Variants in MAMDC2 observed in about 807,000 individuals in gnomAD.
The protein encoded by MAMDC2 is MAM domain-containing protein 2.
In MAMDC2, 57 loss-of-function variants were observed where a neutral mutation model predicts 89.8. That is an observed-to-expected ratio of 0.63 (90% CI 0.51 to 0.79). The LOEUF is 0.79. Among genes scored for constraint, MAMDC2 ranks in the 30% least tolerant of loss-of-function variants. The probability of loss-of-function intolerance (pLI) is 0.00; values close to 1 mark genes in which losing one functional copy is unlikely to be tolerated. For synonymous variants in MAMDC2, 313 were observed against 293.4 expected (o/e 1.07, Z -0.68); for missense variants, 800 against 820.6 (o/e 0.97, Z 0.31).
rs1826665639 is a variant in MAMDC2 at position 70,043,905 on chromosome 9, C to A, written c.-293C>A. The A allele has an allele frequency of 1.8e-6, 1 of 551,902 alleles. No individual in the cohort carries two copies. Among genetic ancestry groups the A allele is most frequent in the African/African-American group, 1.9e-5 (1 of 52,920 alleles). The allele number at this position is 551,902 out of a possible 1,614,324, so 34.2% of individuals were successfully genotyped here. ...CTTTCAAAGTGTGCAGTTGTCTCCT[C>A]CCTGTCCAGCCCCATCGTCGCCCAG... On this transcript the variant is annotated 5_prime_UTR_variant, in exon 1 of 14. Coordinates refer to ENST00000377182, the MANE Select transcript of MAMDC2 (RefSeq NM_153267.5).
intron 11 of MAMDC2, among the ~76,000 whole-genome samples, chr9:70,207,933 G>C (rs1175080064): frequency 6.6e-6 from 1 of 152,192 alleles, no homozygotes; most frequent in Non-Finnish European, 1.5e-5. Context: ...TCAAAGATCA[G>C]ATGGTTGTAG....
intron 2 of MAMDC2, among the ~76,000 whole-genome samples, chr9:70,046,507 C>T (rs1442333709): frequency 6.6e-6 from 1 of 152,180 alleles, no homozygotes; most frequent in Non-Finnish European, 1.5e-5. Context: ...TTCCTGCCTC[C>T]GGCCCTCTGT....
chr9:70,083,426 C>A (rs1827698928), intron 2 of MAMDC2: 1 of 151,978 alleles, frequency 6.6e-6, no homozygotes, highest in Non-Finnish European at 1.5e-5. Flanking sequence ...ATAGCTAAAG[C>A]AATTAAGGGA....
At chr9:70,066,349 T>C (rs181078143) in intron 2 of MAMDC2, among the ~76,000 whole-genome samples, 11 of 152,220 alleles carry the variant, frequency 7.2e-5, no homozygotes, top group Admixed American at 2.6e-4. Context: ...GACAGAGTAG[T>C]AGAAAATGAA....
At chr9:70,092,143 A>G (rs1827916247) in intron 2 of MAMDC2, 2 of 152,360 alleles carry the variant, frequency 1.3e-5, no homozygotes, top group South Asian at 4.1e-4. Flanking sequence ...AAAACCTGCC[A>G]TCAATGAATA....
chr9:70,095,070 G>A (rs1827993334), intron 2 of MAMDC2, among the ~76,000 whole-genome samples: 1 of 152,184 alleles, frequency 6.6e-6, no homozygotes, highest in Non-Finnish European at 1.5e-5. Flanking sequence ...GAGTATCCCA[G>A]ATAAAGGAAA....
chr9:70,100,091 C>T (rs953898367), intron 2 of MAMDC2, among the ~76,000 whole-genome samples: 9 of 149,770 alleles, frequency 6.0e-5, no homozygotes, highest in Admixed American at 1.3e-4. Context: ...AGTGAGATGA[C>T]GAGGTGGGGT....
At position 70,071,363 on chromosome 9, in the gene MAMDC2, T is replaced by C. The variant is rs1000040860; in HGVS notation, c.148+26666T>C. ...CAGAATTTACTCTATTTTTTTTCCATGCAAGTAGAAATAATTAGCTAAGGA... is the reference window on the plus strand; with the variant it reads ...CAGAATTTACTCTATTTTTTTTCCACGCAAGTAGAAATAATTAGCTAAGGA... On this transcript the variant is annotated intron_variant, in intron 2 of 13. Coordinates refer to ENST00000377182, the MANE Select transcript of MAMDC2 (RefSeq NM_153267.5). 2.0e-5 allele frequency among the ~76,000 whole-genome samples: 3 copies of C among 152,124 alleles called. 1 individual carries two copies. Among genetic ancestry groups the C allele is most frequent in the Non-Finnish European group, 4.4e-5 (3 of 67,976 alleles).
intron 7 of MAMDC2, among the ~76,000 whole-genome samples, chr9:70,136,061 G>A (rs1428109661): frequency 2.6e-5 from 4 of 152,124 alleles, no homozygotes; most frequent in Non-Finnish European, 5.9e-5. Context: ...TAAAGGAGGA[G>A]GATAGGTTGA....
At chr9:70,092,788 T>C (rs778477381) in intron 2 of MAMDC2, 16 of 152,330 alleles carry the variant, frequency 1.1e-4, no homozygotes, top group Non-Finnish European at 1.6e-4. Context: ...TTTATATTCA[T>C]GAATCTAGAT....
At chr9:70,170,919 G>A in intron 11 of MAMDC2, 1 of 335,550 alleles carries the variant, frequency 3.0e-6, no homozygotes. Context: ...GGACAAAGTA[G>A]GGGAAAAAAT....
chr9:70,102,720 A>T (rs1828228521), intron 2 of MAMDC2, among the ~76,000 whole-genome samples: 2 of 152,060 alleles, frequency 1.3e-5, no homozygotes, highest in Admixed American at 1.3e-4. Context: ...ATCTATTTGG[A>T]AGTTTATGGC....
intron 2 of MAMDC2, among the ~76,000 whole-genome samples, chr9:70,053,453 T>C (rs913925523): frequency 2.6e-5 from 4 of 152,222 alleles, no homozygotes; most frequent in African/African-American, 9.6e-5. Context: ...GAGGACATAG[T>C]ACATGAGTAC....
chr9:70,048,701 G>T (rs990355794), intron 2 of MAMDC2, among the ~76,000 whole-genome samples: 1 of 152,220 alleles, frequency 6.6e-6, no homozygotes, highest in African/African-American at 2.4e-5. Flanking sequence ...CCTTTGAGCA[G>T]CAGTCCTCAG....
At chr9:70,050,034 C>T (rs1438680295) in intron 2 of MAMDC2, among the ~76,000 whole-genome samples, 1 of 152,186 alleles carries the variant, frequency 6.6e-6, no homozygotes, top group Non-Finnish European at 1.5e-5. Context: ...GTTCTAAACT[C>T]TGAAACTTTG....
chr9:70,217,958 C>T (rs1186257938), intron 11 of MAMDC2, among the ~76,000 whole-genome samples: 1 of 152,124 alleles, frequency 6.6e-6, no homozygotes, highest in East Asian at 1.9e-4. Flanking sequence ...GACTTGAACC[C>T]AGATCTACCT....
intron 2 of MAMDC2, among the ~76,000 whole-genome samples, chr9:70,072,387 G>C (rs1250880150): frequency 1.3e-5 from 2 of 152,076 alleles, no homozygotes; most frequent in Admixed American, 6.5e-5. Context: ...CTTTCCTCAA[G>C]GTAAGAACTC....
chr9:70,216,244 C>G (rs1267666723), intron 11 of MAMDC2: 1 of 152,126 alleles, frequency 6.6e-6, no homozygotes, highest in African/African-American at 2.4e-5. Context: ...GCTGCCATAA[C>G]AAAATATCAT....
At chr9:70,075,631 A>G (rs1379646474) in intron 2 of MAMDC2, among the ~76,000 whole-genome samples, 2 of 152,190 alleles carry the variant, frequency 1.3e-5, no homozygotes, top group Non-Finnish European at 2.9e-5. Context: ...TTACAACCCA[A>G]TGAGGGGGAA....
Sources: gnomAD v4.1 joint callset for allele counts (sites outside exome capture counted in the v4.1 genomes callset) on GRCh38, gnomAD v4.1.1 for gene constraint, MANE v1.5 for transcripts, NCBI Gene and HGNC (gene_info 2026-07-23, HGNC 2026-07-21) for gene names.